Variants in THUMPD2 observed in about 807,000 individuals in gnomAD.
The protein encoded by THUMPD2 is THUMP domain 2 tRNA and snRNA guanosine methyltransferase.
THUMPD2 carries 56 observed loss-of-function variants against 49.4 expected under a neutral mutation model. That is an observed-to-expected ratio of 1.13 (90% CI 0.91 to 1.41). The LOEUF is 1.41. THUMPD2 is among the 40% of genes most tolerant of loss of function. The probability of loss-of-function intolerance (pLI) is 0.00; values close to 1 mark genes in which losing one functional copy is unlikely to be tolerated. For synonymous variants in THUMPD2, 237 were observed against 205.2 expected (o/e 1.15, Z -1.32); for missense variants, 709 against 594.5 (o/e 1.19, Z -2.00).
chr2:39,757,281 G>C, intron 6 of THUMPD2: 1 of 783,190 alleles, frequency 1.3e-6, no homozygotes, highest in Non-Finnish European at 1.9e-6. Context: ...TCGAGATAGG[G>C]GAGAAAAGAC....
intron 1 of THUMPD2, among the ~76,000 whole-genome samples, chr2:39,773,591 T>C (rs917948759): frequency 5.1e-5 from 7 of 136,544 alleles, no homozygotes; most frequent in African/African-American, 2.1e-4. Context: ...AAAATATATA[T>C]ATATTTATAT....
At chr2:39,741,645 T>G (rs1265530178) in intron 9 of THUMPD2, among the ~76,000 whole-genome samples, 1 of 152,198 alleles carries the variant, frequency 6.6e-6, no homozygotes, top group Non-Finnish European at 1.5e-5. Context: ...AGGAAATAAT[T>G]GAGCTGAGAA....
At chr2:39,737,546 G>A (rs1673261381) in intron 9 of THUMPD2, among the ~76,000 whole-genome samples, 1 of 152,210 alleles carries the variant, frequency 6.6e-6, no homozygotes, top group Non-Finnish European at 1.5e-5. Flanking sequence ...TGTGGAAAAA[G>A]TCATGAAAAC....
At chr2:39,764,025 C>G (rs1572844831) in intron 5 of THUMPD2, among the ~76,000 whole-genome samples, 1 of 152,358 alleles carries the variant, frequency 6.6e-6, no homozygotes, top group African/African-American at 2.4e-5. Context: ...CACAGAGATT[C>G]CTTGCCTGTA....
chr2:39,768,391 A>C (rs1189016340), intron 4 of THUMPD2, 33 bp downstream of exon 4: 2 of 1,516,224 alleles, frequency 1.3e-6, no homozygotes, highest in Non-Finnish European at 1.8e-6. Flanking sequence ...GAATTAGGTT[A>C]CAAGTATATA....
chr2:39,746,842 T>C (rs1222638470), intron 8 of THUMPD2, among the ~76,000 whole-genome samples: 2 of 152,116 alleles, frequency 1.3e-5, no homozygotes, highest in African/African-American at 4.8e-5. Flanking sequence ...TGAGCACTTT[T>C]ATAAAACTGA....
At position 39,736,256 on chromosome 2, in the gene THUMPD2, T is replaced by C. The variant is rs1335633222; in HGVS notation, c.*479A>G. 1 of 153,282 alleles carries C rather than the reference T, an allele frequency of 6.5e-6. No individual in the cohort carries two copies. The highest frequency in any genetic ancestry group is 2.4e-5 in the African/African-American group (1 of 41,472). 9.5% of individuals were successfully genotyped at this position (153,282 alleles called of 1,614,324 possible). On this transcript the variant is annotated 3_prime_UTR_variant, in exon 10 of 10. Transcript: ENST00000505747. ...ACTGTTGGTTTACATAATAAACATA[T>C]AAAATGTATTGCAAATACAAATTAT...
rs546966668 is a variant in THUMPD2 at position 39,769,859 on chromosome 2, T to G, written c.523A>C (p.Arg175=). The change falls in exon 3 of 10, where the codon AGA becomes CGA. Residue 175 remains arginine, a synonymous_variant. Coordinates refer to ENST00000505747, the MANE Select transcript of THUMPD2 (RefSeq NM_025264.5). ...TTTTCGCTTTTAGTGGTAAAATCTC[T>G]TTGCTCCAGAGTTTCTTCTTTTATT... The part of the protein sequence containing the change: ...KQIKEETLEQ[R]DFTTKSEKFQ... 6.5e-5 allele frequency: 104 copies of G among 1,611,594 alleles called. 1 individual carries two copies. In the Middle Eastern group the frequency reaches 6.6e-3, roughly 103 times the overall value.
chr2:39,743,377 C>G (rs569889789), intron 9 of THUMPD2, among the ~76,000 whole-genome samples: 6 of 152,294 alleles, frequency 3.9e-5, no homozygotes, highest in African/African-American at 1.4e-4. Flanking sequence ...AGGAATGCTT[C>G]CACTGAATTA....
intron 5 of THUMPD2, among the ~76,000 whole-genome samples, chr2:39,762,255 A>G (rs1313951689): frequency 1.3e-5 from 2 of 152,176 alleles, no homozygotes; most frequent in Non-Finnish European, 2.9e-5. Flanking sequence ...AACCAGCAAA[A>G]GAGGTCTTCT....
chr2:39,776,139 GAAGTA>G (rs1422135008), intron 1 of THUMPD2, among the ~76,000 whole-genome samples: 1 of 152,180 alleles, frequency 6.6e-6, no homozygotes, highest in East Asian at 1.9e-4. Flanking sequence ...ACATCATTAT[GAAGTA>G]AAGCTTAATT....
chr2:39,745,327 G>C (rs1462360800), intron 8 of THUMPD2, among the ~76,000 whole-genome samples: 2 of 152,168 alleles, frequency 1.3e-5, no homozygotes, highest in Non-Finnish European at 2.9e-5. Flanking sequence ...ATCTCGGAAA[G>C]TCTAATGACT....
chr2:39,767,982 A>T (rs1677782012), intron 4 of THUMPD2, among the ~76,000 whole-genome samples: 1 of 152,198 alleles, frequency 6.6e-6, no homozygotes, highest in Non-Finnish European at 1.5e-5. Context: ...CTGTAACCTT[A>T]TTAATTTTGG....
At chr2:39,738,320 T>G (rs1191980591) in intron 9 of THUMPD2, among the ~76,000 whole-genome samples, 1 of 152,104 alleles carries the variant, frequency 6.6e-6, no homozygotes, top group Non-Finnish European at 1.5e-5. Flanking sequence ...CCCAACATTT[T>G]GGGAGGCTCA....
chr2:39,779,218 G>C lies in THUMPD2; in HGVS notation c.22C>G (p.Pro8Ala). The C allele has an allele frequency of 6.7e-7, 1 of 1,502,088 alleles. No homozygotes were observed. The highest frequency in any genetic ancestry group is 8.8e-7 in the Non-Finnish European group (1 of 1,131,686). The allele number at this position is 1,502,088 out of a possible 1,614,324, so 93.0% of individuals were successfully genotyped here. Reference protein sequence around the residue: MSEARGEPGSGPEAGARF... With the variant: MSEARGEAGSGPEAGARF... ...GCGCCAGCCTCAGGCCCGGACCCTGGCTCTCCACGCGCCTCCGACATGGCG... is the reference window on the plus strand; with the variant it reads ...GCGCCAGCCTCAGGCCCGGACCCTGCCTCTCCACGCGCCTCCGACATGGCG... Residue 8 changes from proline to alanine, a missense_variant, in exon 1 of 10, where the codon CCA becomes GCA. Pro to Ala is a conservative substitution (Grantham distance 27). Transcript: ENST00000505747.
At position 39,736,837 on chromosome 2, in the gene THUMPD2, TGACATTCTGTCTAA is replaced by T. The variant is rs1673143238; in HGVS notation, c.1396_1409del (p.Leu466ThrfsTer14). 6.2e-7 allele frequency: 1 copy of T among 1,614,100 alleles called. No homozygotes were observed. The highest frequency in any genetic ancestry group is 1.7e-5 in the Admixed American group (1 of 60,008). On this transcript the variant is annotated frameshift_variant, in exon 10 of 10. Transcript: ENST00000505747. LOFTEE classifies it low-confidence loss of function (END_TRUNC). ...CCACTGGTACCAAGGAGCCAAATGG[TGACATTCTGTCTAA>T]GAATTTGTGGTTACTGGCTTCGAAT...
Position 39,764,763 on chromosome 2 carries a change from A to G in THUMPD2, c.803+1294T>C, listed in dbSNP as rs374969162. ...CCCGGTAAATTGTTCTTTTTAGCCA[A>G]CACTCATCACTGAGACTGCTTCCTT... On this transcript the variant is annotated intron_variant, in intron 5 of 9. Coordinates refer to ENST00000505747, the MANE Select transcript of THUMPD2 (RefSeq NM_025264.5). Among the ~76,000 whole-genome samples, 6 of 152,318 alleles carry G rather than the reference A, an allele frequency of 3.9e-5. No homozygotes were observed. In the South Asian group the frequency reaches 8.3e-4, roughly 21 times the overall value.
chr2:39,771,400 T>C, intron 2 of THUMPD2, 105 bp downstream of exon 2: 1 of 1,129,728 alleles, frequency 8.9e-7, no homozygotes, highest in Non-Finnish European at 1.2e-6. Flanking sequence ...CCCACACATG[T>C]CAATGAATAT....
rs1420959994 is a variant in THUMPD2, at chr2:39,736,899, CA to C, written c.1347del (p.Ala450HisfsTer17). 6.2e-7 allele frequency: 1 copy of C among 1,614,184 alleles called. No individual in the cohort carries two copies. Among genetic ancestry groups the C allele is most frequent in the Admixed American group, 1.7e-5 (1 of 60,024 alleles). On this transcript the variant is annotated frameshift_variant, in exon 10 of 10. Transcript: ENST00000505747. LOFTEE classifies it low-confidence loss of function (END_TRUNC). ...AATGAAGTTGACGCTGTCTTGAATG[CA>C]CCAGTTTTTTCTTCAGGATTCAAGC... ...KKCLNPEEKT[G>X]AFKTASTSFE...
Sources: allele counts gnomAD v4.1 joint callset (sites outside exome capture counted in the v4.1 genomes callset), GRCh38; gene constraint gnomAD v4.1.1; transcripts MANE v1.5; gene names NCBI Gene and HGNC (gene_info 2026-07-23, HGNC 2026-07-21).